Variants in SNX17 observed in about 807,000 individuals in gnomAD.
SNX17 encodes sorting nexin 17.
SNX17 carries 35 observed loss-of-function variants against 64.3 expected under a neutral mutation model. The observed-to-expected ratio is 0.54, with a 90% CI of 0.42 to 0.72. The LOEUF (loss-of-function observed/expected upper bound fraction) is 0.72, where lower values mean the gene tolerates loss of function less well. Ranked by LOEUF, SNX17 falls within the 30% of genes least tolerant of loss-of-function variation. SNX17 has a pLI of 0.00. For missense variants in SNX17, 538 were observed against 610.0 expected, an observed-to-expected ratio of 0.88 and a Z score of 1.24; for synonymous variants, 259 against 230.2, an observed-to-expected ratio of 1.13 and a Z score of -1.13.
chr2:27,375,433 CG>C lies in SNX17; in HGVS notation c.775-72del. 8 of 1,547,730 alleles carry C rather than the reference CG, an allele frequency of 5.2e-6. No individual in the cohort carries two copies. The highest frequency in any genetic ancestry group is 7.1e-6 in the Non-Finnish European group (8 of 1,125,428). ...GATTATAGGCATGAGCCACCGCGCC[CG>C]ACCGGGGTTGCTTTTTCTGAGCTGC... On this transcript the variant is annotated intron_variant, in intron 9 of 14. Coordinates refer to ENST00000233575, the MANE Select transcript of SNX17 (RefSeq NM_014748.4). This position sits in a 1 kb window ranked among gnomAD's most constrained non-coding sequence, Gnocchi z 4.1.
chr2:27,373,373 A>AT, intron 4 of SNX17, 62 bp downstream of exon 4: 14 of 1,562,398 alleles, frequency 9.0e-6, no homozygotes, highest in Admixed American at 1.7e-5. Context: ...CATGTCTTTT[A>AT]TTTTTTTGAG....
chr2:27,372,388 G>A (rs971316204), intron 2 of SNX17, among the ~76,000 whole-genome samples: 5 of 152,138 alleles, frequency 3.3e-5, no homozygotes, highest in East Asian at 3.8e-4. Flanking sequence ...AATCCTCCCC[G>A]TACTGTGGAG....
chr2:27,375,858 A>G lies in SNX17; in HGVS notation c.991A>G (p.Ser331Gly), dbSNP rs767526093. ...WRVTSSVPLP[S>G]GSTSSPGRGR... is the part of the protein sequence containing the mutation. Reference sequence around the variant, plus strand: ...CTTCCTCTCCCAGGTACCATTGCCCAGTGGAAGCACGAGCAGCCCAGGCCG... The same window carrying G: ...CTTCCTCTCCCAGGTACCATTGCCCGGTGGAAGCACGAGCAGCCCAGGCCG... The change falls in exon 11 of 15, where the codon AGT (serine) becomes GGT (glycine). Residue 331 changes from serine to glycine, a missense_variant. By Grantham distance (56) the Ser-to-Gly change is moderately conservative. Transcript: ENST00000233575. The surrounding 1 kb of genome is among the most constrained non-coding windows in gnomAD (Gnocchi z 4.1). The G allele has an allele frequency of 6.2e-7, 1 of 1,614,088 alleles. No homozygotes were observed. The highest frequency in any genetic ancestry group is 8.5e-7 in the Non-Finnish European group (1 of 1,180,010).
rs1489290351 is a variant in SNX17 at position 27,375,644 on chromosome 2, G to T, written c.913G>T (p.Gly305Cys). ...SELSLQLRLPGQQLREGSFRV... is the reference protein window; with the variant it reads ...SELSLQLRLPCQQLREGSFRV... ...GCTCAGCCTGCAGCTCCGCCTGCCT[G>T]GCCAGCAACTCCGAGAAGGCTCCTT... Residue 305 changes from glycine (G) to cysteine (C), a missense_variant, in exon 10 of 15, where the codon GGC (glycine) becomes TGC (cysteine). By Grantham distance (159) the Gly-to-Cys change is radical (BLOSUM62 -3). This residue lies in a region of SNX17 where 505 missense variants were observed against 550.4 expected (regional missense o/e 0.92). Coordinates refer to ENST00000233575, the MANE Select transcript of SNX17 (RefSeq NM_014748.4). This position sits in a 1 kb window ranked among gnomAD's most constrained non-coding sequence, Gnocchi z 4.1. 3.7e-6 allele frequency: 6 copies of T among 1,614,210 alleles called. No individual in the cohort carries two copies. The South Asian group carries it at 6.6e-5, about 18-fold the overall frequency.
At position 27,376,010 on chromosome 2, in the gene SNX17, A is replaced by G. The variant is rs757534234; in HGVS notation, c.1104+39A>G. 8 of 1,613,712 alleles carry G rather than the reference A, an allele frequency of 5.0e-6. No individual in the cohort carries two copies. The South Asian group carries it at 8.8e-5, about 18-fold the overall frequency. On this transcript the variant is annotated intron_variant, in intron 11 of 14. Transcript: ENST00000233575. ...CTCAGCCCTCCTCTGGAGCACCTTA[A>G]AGTGTAGAGTTTCCAGTACTCAATA... is the stretch of plus-strand genomic sequence containing the variant.
intron 2 of SNX17, chr2:27,371,621 C>A: frequency 2.8e-6 from 1 of 355,834 alleles, no homozygotes; most frequent in Admixed American, 4.7e-5. Context: ...ACAAACCAAC[C>A]CCTCCCCCCA....
At position 27,376,601 on chromosome 2, in the gene SNX17, T is replaced by TA. The variant is rs753539991; in HGVS notation, c.1300-4dup. On this transcript the variant is annotated splice_polypyrimidine_tract_variant and splice_region_variant and intron_variant, in intron 14 of 14. Transcript: ENST00000233575. ...ATCTCTGACCCCACCCTGCCTTTGTTACAGAGTAAGCTGAGTGCCGTGAGC... is the reference window on the plus strand; with the variant it reads ...ATCTCTGACCCCACCCTGCCTTTGTTAACAGAGTAAGCTGAGTGCCGTGAGC... 1.1e-5 allele frequency: 17 copies of TA among 1,614,082 alleles called. No homozygotes were observed. Among genetic ancestry groups the TA allele is most frequent in the Non-Finnish European group, 1.4e-5 (17 of 1,180,042 alleles).
In SNX17 at chr2:27,375,494, A is replaced by G. The variant is rs1477978359; in HGVS notation, c.775-12A>G. 2 of 1,613,902 alleles carry G rather than the reference A, an allele frequency of 1.2e-6. No individual in the cohort carries two copies. The highest frequency in any genetic ancestry group is 2.2e-5 in the East Asian group (1 of 44,874). ...CCTCCTAATCTACCCCCATGTGATG[A>G]CCATTTTTCAGTTCCTGAGACTGGC... On this transcript the variant is annotated splice_polypyrimidine_tract_variant and intron_variant, in intron 9 of 14. Coordinates refer to ENST00000233575, the MANE Select transcript of SNX17 (RefSeq NM_014748.4). This position sits in a 1 kb window ranked among gnomAD's most constrained non-coding sequence, Gnocchi z 4.1.
In SNX17 at chr2:27,377,097, C is replaced by T. The variant is rs1168974503; in HGVS notation, c.*378C>T. 1 of 405,882 alleles carries T rather than the reference C, an allele frequency of 2.5e-6. No homozygotes were observed. The highest frequency in any genetic ancestry group is 4.6e-6 in the Non-Finnish European group (1 of 216,548). 25.1% of individuals were successfully genotyped at this position (405,882 alleles called of 1,614,324 possible). ...GTCTGTGTTTGGTCTGGCCCAGTTC[C>T]CCATCATTAAACTCAGCCTGACTGC... On this transcript the variant is annotated 3_prime_UTR_variant, in exon 15 of 15. Coordinates refer to ENST00000233575, the MANE Select transcript of SNX17 (RefSeq NM_014748.4). The surrounding 1 kb of genome is among the most constrained non-coding windows in gnomAD (Gnocchi z 4.4).
At chr2:27,374,512 T>A in intron 7 of SNX17, 79 bp downstream of exon 7, 1 of 1,351,648 alleles carries the variant, frequency 7.4e-7, no homozygotes, top group Non-Finnish European at 1.1e-6. Flanking sequence ...TGAGACAGAA[T>A]AATCTGGACA....
intron 2 of SNX17, 121 bp downstream of exon 2, chr2:27,371,464 A>G: frequency 4.2e-6 from 6 of 1,440,744 alleles, no homozygotes; most frequent in Non-Finnish European, 5.5e-6. Flanking sequence ...AATCACTGCC[A>G]CAGGGTAGGG....
Position 27,377,412 on chromosome 2 carries a change from G to A in SNX17, c.*693G>A. 1 of 989,606 alleles carries A rather than the reference G, an allele frequency of 1.0e-6. No homozygotes were observed. The highest frequency in any genetic ancestry group is 2.0e-5 in the Admixed American group (1 of 50,544). The allele number at this position is 989,606 out of a possible 1,614,324, so 61.3% of individuals were successfully genotyped here. A position where few individuals can be genotyped will look rare whatever the true frequency, so the allele number is the denominator to read the frequency against. On this transcript the variant is annotated 3_prime_UTR_variant, in exon 15 of 15. Coordinates refer to ENST00000233575, the MANE Select transcript of SNX17 (RefSeq NM_014748.4). The surrounding 1 kb of genome is among the most constrained non-coding windows in gnomAD (Gnocchi z 4.4). ...CAAGGCAAGGTCCCCTGGTCCATAT[G>A]GGCCCCCCCGCCCATGGGGTTGGGC... is the stretch of plus-strand genomic sequence containing the variant.
In SNX17 at chr2:27,377,160, C is replaced by G; in HGVS notation, c.*441C>G. On this transcript the variant is annotated 3_prime_UTR_variant, in exon 15 of 15. Transcript: ENST00000233575. This position sits in a 1 kb window ranked among gnomAD's most constrained non-coding sequence, Gnocchi z 4.4. ...GTTCCCTCTCACTGCCCCTGCTTCC[C>G]CCATCACAGCATGGACTACTATGCT... The G allele has an allele frequency of 2.3e-6, 1 of 426,352 alleles. No individual in the cohort carries two copies. The highest frequency in any genetic ancestry group is 4.4e-6 in the Non-Finnish European group (1 of 228,298). The allele number at this position is 426,352 out of a possible 1,614,324, so 26.4% of individuals were successfully genotyped here.
Position 27,373,425 on chromosome 2 carries a change from C to A in SNX17, c.321+114C>A, listed in dbSNP as rs146480578. 2,871 of 1,035,258 alleles carry A rather than the reference C, an allele frequency of 2.8e-3. 56 individuals carry two copies. In the African/African-American group the frequency reaches 0.04, roughly 14 times the overall value. 64.1% of individuals were successfully genotyped at this position (1,035,258 alleles called of 1,614,324 possible). A position where few individuals can be genotyped will look rare whatever the true frequency, so the allele number is the denominator to read the frequency against. ...TTGCACAGGCTGGAGTGCAGTGGTG[C>A]GATCTCAGCTCACTGCAATCTCCGC... On this transcript the variant is annotated intron_variant, in intron 4 of 14. Transcript: ENST00000233575.
At position 27,374,152 on chromosome 2, in the gene SNX17, A is replaced by G. The variant is rs554243731; in HGVS notation, c.500A>G (p.Glu167Gly). 2.6e-5 allele frequency: 42 copies of G among 1,614,030 alleles called. 1 individual carries two copies. The South Asian group carries it at 4.2e-4, about 16-fold the overall frequency. Residue 167 changes from glutamate to glycine, a missense_variant, in exon 6 of 15, where the codon GAA becomes GGA. Glu to Gly is a moderately conservative substitution (Grantham distance 98). Transcript: ENST00000233575. ...TACTTTAGTCTATTCTTAGTTCGAG[A>G]AAAAGAGGATGGAGCCTTTTCTTGT... The part of the protein sequence containing the change: ...IGYFSLFLVR[E>G]KEDGAFSFVR...
At position 27,376,490 on chromosome 2, in the gene SNX17, T is replaced by C; in HGVS notation, c.1269T>C (p.Asp423=). The change falls in exon 14 of 15, where the codon GAT becomes GAC. Residue 423 remains aspartate (D), a synonymous_variant. Transcript: ENST00000233575. ...CTCTTCTTCCCCAGGAGTCACCTGA[T>C]GCCACCCGGGAGTCTATGGTCAAAC... ...VKSPPLLESP[D]ATRESMVKLS... is the part of the protein sequence containing the mutation. The C allele has an allele frequency of 6.2e-7, 1 of 1,614,198 alleles. No homozygotes were observed. The highest frequency in any genetic ancestry group is 8.5e-7 in the Non-Finnish European group (1 of 1,180,038).
chr2:27,374,050 A>G, intron 5 of SNX17, 35 bp from the exon 6 acceptor site: 1 of 1,609,798 alleles, frequency 6.2e-7, no homozygotes, highest in Non-Finnish European at 8.5e-7. Flanking sequence ...GGAACCAGCC[A>G]GTATGATGAG....
intron 2 of SNX17, among the ~76,000 whole-genome samples, chr2:27,372,348 G>C (rs1027738850): frequency 3.3e-5 from 5 of 152,156 alleles, no homozygotes; most frequent in African/African-American, 1.2e-4. Context: ...AGGTGGTCAA[G>C]GGGCTCCCTA....
chr2:27,374,263 A>T (rs1240667613), intron 6 of SNX17, 83 bp from the exon 7 acceptor site: 1 of 1,415,706 alleles, frequency 7.1e-7, no homozygotes, highest in South Asian at 1.2e-5. Flanking sequence ...CCCCAGAATG[A>T]ACATTGCCTC....
Sources: gnomAD v4.1 joint callset for allele counts (sites outside exome capture counted in the v4.1 genomes callset) on GRCh38, gnomAD v4.1.1 for gene constraint, gnomAD v4.1.1 regional missense constraint, Gnocchi (gnomAD v3.1) non-coding constraint, MANE v1.5 for transcripts, NCBI Gene and HGNC (gene_info 2026-07-23, HGNC 2026-07-21) for gene names.